Variants in MAPK14 observed in about 807,000 individuals in gnomAD.
MAPK14 encodes the protein mitogen-activated protein kinase 14, also known as CSAID-binding protein.
In MAPK14, 16 loss-of-function variants were observed where a neutral mutation model predicts 49.6. That is an observed-to-expected ratio of 0.32 (90% CI 0.22 to 0.49). The LOEUF (loss-of-function observed/expected upper bound fraction) is 0.49, where lower values mean the gene tolerates loss of function less well. Ranked by LOEUF, MAPK14 falls within the 20% of genes least tolerant of loss-of-function variation. The pLI, the probability that MAPK14 is intolerant of heterozygous loss-of-function variation, is 0.99. For missense variants in MAPK14, 200 were observed against 441.2 expected, an observed-to-expected ratio of 0.45 and a Z score of 4.90; for synonymous variants, 142 against 158.0, an observed-to-expected ratio of 0.90 and a Z score of 0.76.
chr6:36,091,839 C>CT (rs1765242072), intron 8 of MAPK14, among the ~76,000 whole-genome samples: 1 of 122,136 alleles, frequency 8.2e-6, no homozygotes, highest in African/African-American at 3.0e-5. Flanking sequence ...CTCATCTTTT[C>CT]TTTTCTTTTT....
intron 2 of MAPK14, among the ~76,000 whole-genome samples, chr6:36,057,141 A>C (rs1763620055): frequency 6.6e-6 from 1 of 152,230 alleles, no homozygotes; most frequent in African/African-American, 2.4e-5. Flanking sequence ...ATTTCCTGGA[A>C]GAAAATATGA....
At chr6:36,048,239 C>T (rs958700810) in intron 1 of MAPK14, among the ~76,000 whole-genome samples, 1 of 151,924 alleles carries the variant, frequency 6.6e-6, no homozygotes, top group African/African-American at 2.4e-5. Flanking sequence ...AGACGGGTTT[C>T]ACCATGTTGG....
In MAPK14 at chr6:36,107,173, CCCATCAGT is replaced by C. The variant is rs763087644; in HGVS notation, c.842-279_842-272del. 1.1e-4 allele frequency among the ~76,000 whole-genome samples: 16 copies of C among 152,170 alleles called. No individual in the cohort carries two copies. The highest frequency in any genetic ancestry group is 2.1e-4 in the South Asian group (1 of 4,826). On this transcript the variant is annotated intron_variant, in intron 10 of 11. Transcript: ENST00000229794. The surrounding 1 kb of genome is among the most constrained non-coding windows in gnomAD (Gnocchi z 4.3). ...TAATGGGCACGCTAGAAGCCCAGTC[CCCATCAGT>C]CCGTGGTGAGACCCATGTAACAAAT...
At chr6:36,060,639 C>T (rs146559106) in intron 3 of MAPK14, among the ~76,000 whole-genome samples, 2 of 152,242 alleles carry the variant, frequency 1.3e-5, no homozygotes, top group Non-Finnish European at 2.9e-5. Flanking sequence ...CATTCTTATC[C>T]TGGGCTGATT....
At chr6:36,085,587 G>C (rs984259938) in intron 8 of MAPK14, among the ~76,000 whole-genome samples, 16 of 152,146 alleles carry the variant, frequency 1.1e-4, no homozygotes, top group African/African-American at 3.9e-4. Flanking sequence ...TTACATAGTG[G>C]TAAAGGGCTC....
intron 8 of MAPK14, among the ~76,000 whole-genome samples, chr6:36,077,956 G>A (rs1451248225): frequency 6.6e-6 from 1 of 152,148 alleles, no homozygotes. Context: ...AGTAGCTGCT[G>A]TCCTGATGCT....
chr6:36,050,278 A>C (rs945058337), intron 1 of MAPK14, among the ~76,000 whole-genome samples: 2 of 152,234 alleles, frequency 1.3e-5, no homozygotes, highest in Admixed American at 1.3e-4. Context: ...TGGAACAGGA[A>C]GGGAGATGAA....
At chr6:36,035,759 C>G (rs1762723650) in intron 1 of MAPK14, among the ~76,000 whole-genome samples, 1 of 152,206 alleles carries the variant, frequency 6.6e-6, no homozygotes, top group African/African-American at 2.4e-5. Flanking sequence ...GATAAAAGAT[C>G]AGACCAACCA....
At chr6:36,087,492 G>A (rs1765034786) in intron 8 of MAPK14, among the ~76,000 whole-genome samples, 1 of 152,074 alleles carries the variant, frequency 6.6e-6, no homozygotes, top group South Asian at 2.1e-4. Context: ...CCAACAGTAG[G>A]CAAGCAGAGA....
rs111234964 is a variant in MAPK14, at chr6:36,028,791, CTTTTTTT to C, written c.116+533_116+539del. Among the ~76,000 whole-genome samples the C allele has an allele frequency of 1.8e-4, 18 of 100,392 alleles. No homozygotes were observed. The highest frequency in any genetic ancestry group is 7.0e-4 in the South Asian group (2 of 2,856). The allele number at this position is 100,392 out of a possible 152,430, so 65.9% of individuals were successfully genotyped here. The stretch of plus-strand genomic sequence containing the variant: ...ACCAGGAAGGGAGCTCTCTCCGGGC[CTTTTTTT>C]TTTTTTTTTTTTTTCAAAACTCTGT... On this transcript the variant is annotated intron_variant, in intron 1 of 11. Transcript: ENST00000229794. This position sits in a 1 kb window ranked among gnomAD's most constrained non-coding sequence, Gnocchi z 5.1.
intron 6 of MAPK14, among the ~76,000 whole-genome samples, chr6:36,074,390 T>C (rs962444289): frequency 1.3e-5 from 2 of 152,104 alleles, no homozygotes; most frequent in African/African-American, 2.4e-5. Context: ...AGGTGATAAC[T>C]AGATTAAATA....
chr6:36,055,553 G>C (rs1445026816), intron 2 of MAPK14, among the ~76,000 whole-genome samples: 2 of 152,072 alleles, frequency 1.3e-5, no homozygotes, highest in Non-Finnish European at 2.9e-5. Context: ...GGGTTACTTT[G>C]AGGTGACTGA....
intron 3 of MAPK14, among the ~76,000 whole-genome samples, chr6:36,065,596 A>G (rs947443428): frequency 6.8e-6 from 1 of 147,418 alleles, no homozygotes; most frequent in African/African-American, 2.5e-5. Flanking sequence ...TGGAATGGGG[A>G]GGGACTAGAT....
chr6:36,106,626 AATTTT>A (rs1330029735), intron 10 of MAPK14, among the ~76,000 whole-genome samples: 7 of 152,172 alleles, frequency 4.6e-5, no homozygotes, highest in Admixed American at 2.0e-4. Flanking sequence ...TCATGTCTAT[AATTTT>A]ATTTTAAAAC....
intron 3 of MAPK14, among the ~76,000 whole-genome samples, chr6:36,067,512 G>T (rs910557740): frequency 6.6e-6 from 1 of 152,148 alleles, no homozygotes; most frequent in African/African-American, 2.4e-5. Flanking sequence ...TGATTTGGTT[G>T]TCTGAAAGCA....
At chr6:36,104,716 T>TA (rs1199876336) in intron 10 of MAPK14, among the ~76,000 whole-genome samples, 1 of 152,200 alleles carries the variant, frequency 6.6e-6, no homozygotes, top group African/African-American at 2.4e-5. Context: ...GTCATTCTGT[T>TA]CTGAAGTTGT....
At chr6:36,030,582 G>A (rs1762501470) in intron 1 of MAPK14, among the ~76,000 whole-genome samples, 1 of 151,298 alleles carries the variant, frequency 6.6e-6, no homozygotes, top group African/African-American at 2.4e-5. Flanking sequence ...AGCTACTCAG[G>A]AGGCTGAGGC....
the MAPK14 span, among the ~76,000 whole-genome samples, chr6:36,118,419 C>A: frequency 6.6e-6 from 1 of 152,208 alleles, no homozygotes; most frequent in Non-Finnish European, 1.5e-5. Flanking sequence ...AATGACTGTA[C>A]CATCTCGCTG....
intron 8 of MAPK14, among the ~76,000 whole-genome samples, chr6:36,078,966 G>T (rs1581801687): frequency 3.9e-5 from 6 of 152,312 alleles, no homozygotes; most frequent in Admixed American, 3.9e-4. Context: ...GATGCCTGGG[G>T]ACCACCCCAA....
Sources: gnomAD v4.1 joint callset for allele counts (sites outside exome capture counted in the v4.1 genomes callset) on GRCh38, gnomAD v4.1.1 for gene constraint, Gnocchi (gnomAD v3.1) non-coding constraint, MANE v1.5 for transcripts, NCBI Gene and HGNC (gene_info 2026-07-23, HGNC 2026-07-21) for gene names.